Variants in UTP20 observed in about 807,000 individuals in gnomAD.
The protein encoded by UTP20 is small subunit processome component 20 homolog.
Under a neutral mutation model 329.5 loss-of-function variants are expected in UTP20, and 164 were observed. The observed-to-expected ratio is 0.50, with a 90% CI of 0.44 to 0.57. The LOEUF (loss-of-function observed/expected upper bound fraction) is 0.57. Ranked by LOEUF, UTP20 falls within the 20% of genes least tolerant of loss-of-function variation. The pLI, the probability that UTP20 is intolerant of heterozygous loss-of-function variation, is 0.00. For missense variants in UTP20, 3,055 were observed against 3,284.2 expected, an observed-to-expected ratio of 0.93 and a Z score of 1.71; for synonymous variants, 1,151 against 1,159.3, an observed-to-expected ratio of 0.99 and a Z score of 0.14.
At chr12:101,319,763 C>CT in intron 23 of UTP20, 128 bp downstream of exon 23, 1 of 704,618 alleles carries the variant, frequency 1.4e-6, no homozygotes, top group Non-Finnish European at 2.2e-6. Flanking sequence ...AGTATTAAAG[C>CT]CTTTTTTTTT....
rs1408397114 is a variant in UTP20 at position 101,280,148 on chromosome 12, T to C, written c.-135T>C. ...CTCCAACATGGCGGCGCCCAGGGGC[T>C]CAAGCCGCACGTGAGAAAGTCTGGG... On this transcript the variant is annotated 5_prime_UTR_variant, in exon 1 of 62. Coordinates refer to ENST00000261637, the MANE Select transcript of UTP20 (RefSeq NM_014503.3). 2 of 1,206,876 alleles carry C rather than the reference T, an allele frequency of 1.7e-6. No homozygotes were observed. Among genetic ancestry groups the C allele is most frequent in the East Asian group, 2.7e-5 (1 of 37,426 alleles). 74.8% of individuals were successfully genotyped at this position (1,206,876 alleles called of 1,614,324 possible).
At position 101,355,052 on chromosome 12, in the gene UTP20, T is replaced by C. The variant is rs1269393499; in HGVS notation, c.5328T>C (p.Ile1776=). Residue 1776 remains isoleucine (I), a synonymous_variant, in exon 41 of 62, where the codon ATT becomes ATC. Coordinates refer to ENST00000261637, the MANE Select transcript of UTP20 (RefSeq NM_014503.3). Reference sequence around the variant, plus strand: ...ACAAGGAAGAAATAGAGAGAACAATTAAAAATATCCAAGGAACCATAACCG... The same window carrying C: ...ACAAGGAAGAAATAGAGAGAACAATCAAAAATATCCAAGGAACCATAACCG... ...PQNKEEIERT[I]KNIQGTITGD... 6.2e-7 allele frequency: 1 copy of C among 1,613,956 alleles called. No homozygotes were observed. The highest frequency in any genetic ancestry group is 2.2e-5 in the East Asian group (1 of 44,884).
rs1872478962 is a variant in UTP20, at chr12:101,300,078, A to G, written c.1675+17A>G. 1.9e-6 allele frequency: 3 copies of G among 1,608,402 alleles called. No individual in the cohort carries two copies. Among genetic ancestry groups the G allele is most frequent in the African/African-American group, 1.3e-5 (1 of 74,918 alleles). ...TTGGGAAAGGTCAGTTACAATCATC[A>G]TGTGTTCTCTTCTCTTCTTTTCTGG... On this transcript the variant is annotated intron_variant, in intron 14 of 61. Transcript: ENST00000261637.
chr12:101,314,944 T>C (rs1248497269), intron 21 of UTP20, among the ~76,000 whole-genome samples: 2 of 151,376 alleles, frequency 1.3e-5, no homozygotes, highest in Non-Finnish European at 2.9e-5. Context: ...ATACAAAAAT[T>C]AGCTGGGCAT....
intron 44 of UTP20, among the ~76,000 whole-genome samples, chr12:101,362,503 A>C (rs1158252674): frequency 1.3e-5 from 2 of 151,964 alleles, no homozygotes; most frequent in Non-Finnish European, 2.9e-5. Context: ...CAGGAGTTTG[A>C]GACCAGCCTG....
chr12:101,295,249 T>C (rs925984846), intron 11 of UTP20, among the ~76,000 whole-genome samples: 2 of 152,216 alleles, frequency 1.3e-5, no homozygotes, highest in African/African-American at 2.4e-5. Context: ...CTTTATTCTC[T>C]CCTGACACTG....
rs572311016 is a variant in UTP20, at chr12:101,287,793, G to C, written c.516-1167G>C. Reference sequence around the variant, plus strand: ...TTATTGGACACTGTCTGTATGTCAGGCACTTGAGATACAGTCACAGATAAA... The same window carrying C: ...TTATTGGACACTGTCTGTATGTCAGCCACTTGAGATACAGTCACAGATAAA... On this transcript the variant is annotated intron_variant, in intron 5 of 61. Coordinates refer to ENST00000261637, the MANE Select transcript of UTP20 (RefSeq NM_014503.3). Among the ~76,000 whole-genome samples the C allele has an allele frequency of 3.9e-5, 6 of 152,316 alleles. No homozygotes were observed. The South Asian group carries it at 1.2e-3, about 32-fold the overall frequency.
chr12:101,280,335 C>A lies in UTP20; in HGVS notation c.45+8C>A. On this transcript the variant is annotated splice_region_variant and intron_variant, in intron 1 of 61. Coordinates refer to ENST00000261637, the MANE Select transcript of UTP20 (RefSeq NM_014503.3). ...ACCGAGAACACCTACCGGGTGAGCG[C>A]GGGAGCTTAGGCAGGGAGCCGCGGG... The A allele has an allele frequency of 6.4e-7, 1 of 1,551,722 alleles. No individual in the cohort carries two copies. Among genetic ancestry groups the A allele is most frequent in the Non-Finnish European group, 8.7e-7 (1 of 1,146,986 alleles).
At chr12:101,374,107 C>T (rs1008397646) in intron 54 of UTP20, among the ~76,000 whole-genome samples, 16 of 150,024 alleles carry the variant, frequency 1.1e-4, no homozygotes, top group Admixed American at 3.3e-4. Flanking sequence ...TAGTGGCGGG[C>T]GCCTGTAGTC....
intron 8 of UTP20, 36 bp downstream of exon 8, chr12:101,290,924 G>A (rs1268460612): frequency 1.9e-6 from 3 of 1,589,150 alleles, no homozygotes; most frequent in Non-Finnish European, 1.7e-6. Flanking sequence ...TTTTTGATAA[G>A]GAGTCTAAGA....
At chr12:101,350,404 A>C (rs1487308739) in intron 38 of UTP20, among the ~76,000 whole-genome samples, 1 of 152,130 alleles carries the variant, frequency 6.6e-6, no homozygotes, top group African/African-American at 2.4e-5. Flanking sequence ...TGATCCTCCC[A>C]CATTGGCCTC....
rs1593416095 is a variant in UTP20, at chr12:101,285,940, T to A, written c.326+59T>A. ...TATTTGCCTGAATTTTAAGAAAGAT[T>A]GTGTTTCAAAGCTACATATACCGCA... is the stretch of plus-strand genomic sequence containing the variant. On this transcript the variant is annotated intron_variant, in intron 4 of 61. Coordinates refer to ENST00000261637, the MANE Select transcript of UTP20 (RefSeq NM_014503.3). The A allele has an allele frequency of 2.5e-6, 4 of 1,589,718 alleles. No homozygotes were observed. In the East Asian group the frequency reaches 9.0e-5, roughly 36 times the overall value.
At chr12:101,378,394 G>A (rs1453233279) in intron 56 of UTP20, among the ~76,000 whole-genome samples, 1 of 152,092 alleles carries the variant, frequency 6.6e-6, no homozygotes, top group African/African-American at 2.4e-5. Flanking sequence ...AAACAAGCCT[G>A]TACCTATATA....
rs776465271 is a variant in UTP20, at chr12:101,344,584, C to CT, written c.4450-5dup. The stretch of plus-strand genomic sequence containing the variant: ...AGAGAATAATTTCTTTTTTATTTCT[C>CT]TTTTTTGCAGTTAGGAGATATGAGT... On this transcript the variant is annotated splice_polypyrimidine_tract_variant and intron_variant, in intron 35 of 61. Coordinates refer to ENST00000261637, the MANE Select transcript of UTP20 (RefSeq NM_014503.3). 18 of 915,804 alleles carry CT rather than the reference C, an allele frequency of 2.0e-5. No individual in the cohort carries two copies. Among genetic ancestry groups the CT allele is most frequent in the African/African-American group, 1.1e-4 (7 of 61,488 alleles). 56.7% of individuals were successfully genotyped at this position (915,804 alleles called of 1,614,324 possible). A position where few individuals can be genotyped will look rare whatever the true frequency, so the allele number is the denominator to read the frequency against.
intron 2 of UTP20, among the ~76,000 whole-genome samples, chr12:101,282,145 C>T (rs563587457): frequency 4.6e-5 from 7 of 152,324 alleles, no homozygotes; most frequent in Non-Finnish European, 5.9e-5. Context: ...AGACTCCACT[C>T]GCTGGGTCTT....
chr12:101,379,200 T>A (rs1870567831), intron 56 of UTP20, among the ~76,000 whole-genome samples, 171 bp from the exon 57 acceptor site: 1 of 152,214 alleles, frequency 6.6e-6, no homozygotes. Flanking sequence ...TTGTACACAT[T>A]AACCAATCTC....
intron 29 of UTP20, among the ~76,000 whole-genome samples, chr12:101,336,852 C>G (rs533130051): frequency 3.3e-5 from 5 of 152,338 alleles, no homozygotes; most frequent in African/African-American, 1.2e-4. Context: ...GTAGCATGCT[C>G]ATTGTACTGT....
intron 15 of UTP20, among the ~76,000 whole-genome samples, chr12:101,305,045 T>C (rs1046638227): frequency 5.9e-5 from 9 of 152,256 alleles, no homozygotes; most frequent in African/African-American, 2.2e-4. Context: ...GGAGCACCCC[T>C]GTATCAAATG....
chr12:101,337,967 C>A, intron 29 of UTP20, 84 bp from the exon 30 acceptor site: 1 of 1,237,378 alleles, frequency 8.1e-7, no homozygotes. Context: ...ATTTGTTAAA[C>A]TCATGGTGAA....
Sources: gnomAD v4.1 joint callset for allele counts (sites outside exome capture counted in the v4.1 genomes callset) on GRCh38, gnomAD v4.1.1 for gene constraint, MANE v1.5 for transcripts, NCBI Gene and HGNC (gene_info 2026-07-23, HGNC 2026-07-21) for gene names.